Variants in SEL1L2 observed in about 807,000 individuals in gnomAD.
The protein encoded by SEL1L2 is SEL1L2 adaptor subunit of SYVN1 ubiquitin ligase, also known as protein sel-1 homolog 2.
In SEL1L2, 89 loss-of-function variants were observed where a neutral mutation model predicts 98.8. The ratio of observed to expected loss-of-function variants is 0.90; its 90% CI spans 0.76 to 1.07. SEL1L2 has a LOEUF of 1.07. SEL1L2 is among the 50% of genes least tolerant of loss of function. The pLI is 0.00. For synonymous variants in SEL1L2, 262 were observed against 278.5 expected, an observed-to-expected ratio of 0.94 and a Z score of 0.59; for missense variants, 788 against 812.0, an observed-to-expected ratio of 0.97 and a Z score of 0.36.
chr20:13,940,922 G>T (rs1440781155), intron 2 of SEL1L2, among the ~76,000 whole-genome samples: 3 of 152,144 alleles, frequency 2.0e-5, no homozygotes, highest in African/African-American at 7.2e-5. Context: ...AGTGGGAGCA[G>T]GAAGAACAGT....
At chr20:13,880,459 A>G (rs571452004) in intron 10 of SEL1L2, among the ~76,000 whole-genome samples, 1 of 152,026 alleles carries the variant, frequency 6.6e-6, no homozygotes, top group African/African-American at 2.4e-5. Context: ...TCATTTTTAA[A>G]TTTACATGTC....
intron 4 of SEL1L2, 62 bp downstream of exon 4, chr20:13,918,959 G>A: frequency 8.9e-7 from 1 of 1,123,508 alleles, no homozygotes; most frequent in East Asian, 2.4e-5. Context: ...CTACATTTGG[G>A]ATTTTTCTTT....
intron 1 of SEL1L2, among the ~76,000 whole-genome samples, chr20:13,982,430 G>A (rs1012548652): frequency 3.4e-5 from 5 of 148,968 alleles, no homozygotes; most frequent in Non-Finnish European, 7.4e-5. Context: ...AGGAATGCTT[G>A]AGCCTGGGAA....
chr20:13,950,280 C>G (rs1291741815), intron 2 of SEL1L2, among the ~76,000 whole-genome samples: 1 of 152,040 alleles, frequency 6.6e-6, no homozygotes, highest in Admixed American at 6.5e-5. Flanking sequence ...GTAATTAGCA[C>G]TACTGAGCTG....
At chr20:13,909,634 G>C (rs1160249073) in intron 5 of SEL1L2, among the ~76,000 whole-genome samples, 1 of 152,166 alleles carries the variant, frequency 6.6e-6, no homozygotes, top group East Asian at 1.9e-4. Flanking sequence ...GGGCATAAGA[G>C]AGGGTCGGGC....
intron 1 of SEL1L2, among the ~76,000 whole-genome samples, chr20:13,975,469 CA>C (rs1173117824): frequency 6.6e-6 from 1 of 152,184 alleles, no homozygotes; most frequent in African/African-American, 2.4e-5. Context: ...AGAGGTAATA[CA>C]GAGTAAACGC....
chr20:13,949,617 C>T lies in SEL1L2; in HGVS notation c.114+6459G>A, dbSNP rs889715366. On this transcript the variant is annotated intron_variant, in intron 2 of 19. Transcript: ENST00000284951. ...GGCCGAGCTTGCAGTAAGCCAAGCT[C>T]GTGCCACTGCACTCCAGCCTGGGCA... 5.3e-5 allele frequency among the ~76,000 whole-genome samples: 8 copies of T among 151,822 alleles called. No homozygotes were observed. The East Asian group carries it at 5.8e-4, about 11-fold the overall frequency.
chr20:13,850,067 G>T, intron 19 of SEL1L2, 124 bp downstream of exon 19: 2 of 1,096,464 alleles, frequency 1.8e-6, no homozygotes, highest in Non-Finnish European at 2.6e-6. Context: ...GTAAGACTCT[G>T]AATTTTACTT....
chr20:13,873,826 GCCCTGGAC>G (rs2046312284), intron 12 of SEL1L2, among the ~76,000 whole-genome samples: 1 of 152,150 alleles, frequency 6.6e-6, no homozygotes, highest in African/African-American at 2.4e-5. Context: ...ATAATCCCCT[GCCCTGGAC>G]CCCTTTATTT....
At chr20:13,951,961 T>G (rs575440946) in intron 2 of SEL1L2, among the ~76,000 whole-genome samples, 15 of 152,170 alleles carry the variant, frequency 9.9e-5, no homozygotes, top group African/African-American at 3.6e-4. Context: ...ATCCTGCAAA[T>G]CCTGCCAGGT....
chr20:13,919,856 C>T (rs7272203), intron 3 of SEL1L2, among the ~76,000 whole-genome samples: 50,693 of 149,432 alleles, frequency 0.34, 8,840 homozygotes, highest in East Asian at 0.48. Flanking sequence ...ACCTGGGACG[C>T]GGAGGTTGCA....
intron 3 of SEL1L2, among the ~76,000 whole-genome samples, chr20:13,921,574 G>A (rs1198419221): frequency 1.3e-5 from 2 of 152,028 alleles, no homozygotes; most frequent in Non-Finnish European, 2.9e-5. Context: ...AATAAAAAGG[G>A]ATATGACTCA....
Position 13,939,037 on chromosome 20 carries a change from TTTG to T in SEL1L2, c.115-7269_115-7267del, listed in dbSNP as rs1424652251. On this transcript the variant is annotated intron_variant, in intron 2 of 19. Coordinates refer to ENST00000284951, the MANE Select transcript of SEL1L2 (RefSeq NM_025229.2). ...TTTTCTTTTTGGTTTGTTTGCTTGT[TTTG>T]TTTTTTTTTTTTTTTTTTTCTGAGA... Among the ~76,000 whole-genome samples the T allele has an allele frequency of 5.0e-3, 119 of 23,944 alleles. 5 individuals are homozygous for T. Among genetic ancestry groups the T allele is most frequent in the African/African-American group, 2.5e-3 (19 of 7,658 alleles). 15.7% of individuals were successfully genotyped at this position (23,944 alleles called of 152,430 possible).
Position 13,919,074 on chromosome 20 carries a change from A to G in SEL1L2, c.333T>C (p.Phe111=), listed in dbSNP as rs1424721469. 2 of 1,613,702 alleles carry G rather than the reference A, an allele frequency of 1.2e-6. No individual in the cohort carries two copies. Among genetic ancestry groups the G allele is most frequent in the Admixed American group, 3.3e-5 (2 of 59,960 alleles). The change falls in exon 4 of 20, where the codon TTT becomes TTC. Residue 111 remains phenylalanine (F), a synonymous_variant. Coordinates refer to ENST00000284951, the MANE Select transcript of SEL1L2 (RefSeq NM_025229.2). ...KNFTDEGDQL[F]KMGIKVLQQS... ...GCTGGAGAACCTTGATGCCCATCTT[A>G]AATAGCTGGTCTCCTTCATCTGTAA...
intron 5 of SEL1L2, among the ~76,000 whole-genome samples, chr20:13,905,374 C>T (rs1431508867): frequency 2.8e-5 from 4 of 143,658 alleles, no homozygotes; most frequent in East Asian, 4.1e-4. Flanking sequence ...AGTGCAGTGG[C>T]GTGATCTCAG....
At chr20:13,889,108 C>T (rs1456167659) in intron 5 of SEL1L2, among the ~76,000 whole-genome samples, 2 of 151,712 alleles carry the variant, frequency 1.3e-5, no homozygotes, top group African/African-American at 4.8e-5. Context: ...TACAGGTGCC[C>T]ACCACCACAC....
chr20:13,943,007 C>G (rs1030721381), intron 2 of SEL1L2, among the ~76,000 whole-genome samples: 2 of 151,862 alleles, frequency 1.3e-5, no homozygotes, highest in African/African-American at 4.8e-5. Flanking sequence ...TAAAACAAAG[C>G]AAATATGTTA....
intron 18 of SEL1L2, 117 bp from the exon 19 acceptor site, chr20:13,850,436 A>G: frequency 1.8e-6 from 2 of 1,125,128 alleles, no homozygotes; most frequent in Non-Finnish European, 2.6e-6. Context: ...GGAGATTATC[A>G]TGGATTATCC....
At chr20:13,855,511 A>T (rs1989011902) in intron 18 of SEL1L2, among the ~76,000 whole-genome samples, 1 of 152,204 alleles carries the variant, frequency 6.6e-6, no homozygotes, top group South Asian at 2.1e-4. Context: ...TGAATTATTT[A>T]TTAAGATAAT....
Sources: allele counts gnomAD v4.1 joint callset (sites outside exome capture counted in the v4.1 genomes callset), GRCh38; gene constraint gnomAD v4.1.1; transcripts MANE v1.5; gene names NCBI Gene and HGNC (gene_info 2026-07-23, HGNC 2026-07-21).